LRRTM3: variants seen among roughly 807,000 people sequenced by gnomAD.
LRRTM3 encodes the protein leucine rich repeat transmembrane neuronal 3, also known as leucine-rich repeat transmembrane neuronal protein 3.
LRRTM3 carries 24 observed loss-of-function variants against 44.7 expected under a neutral mutation model. The ratio of observed to expected loss-of-function variants is 0.54; its 90% CI spans 0.39 to 0.76. LRRTM3 has a LOEUF of 0.76. LRRTM3 is among the 30% of genes least tolerant of loss of function. The probability of loss-of-function intolerance (pLI) is 0.00; values close to 1 mark genes in which losing one functional copy is unlikely to be tolerated. For synonymous variants in LRRTM3, 277 were observed against 278.7 expected (o/e 0.99, Z 0.06); for missense variants, 587 against 702.2 (o/e 0.84, Z 1.85).
chr10:66,993,694 GAA>G (rs58941459), intron 2 of LRRTM3, among the ~76,000 whole-genome samples: 51,784 of 142,108 alleles, frequency 0.36, 9,491 homozygotes, highest in East Asian at 0.49. Flanking sequence ...ATACATAAAT[GAA>G]AAAAAAAAAA....
intron 2 of LRRTM3, among the ~76,000 whole-genome samples, chr10:66,998,782 A>G (rs1851513382): frequency 6.6e-6 from 1 of 152,176 alleles, no homozygotes; most frequent in Non-Finnish European, 1.5e-5. Flanking sequence ...CACTTTTCTT[A>G]TAACTGATAC....
intron 2 of LRRTM3, among the ~76,000 whole-genome samples, chr10:67,082,188 C>A (rs2131882876): frequency 6.6e-6 from 1 of 152,220 alleles, no homozygotes; most frequent in East Asian, 1.9e-4. Flanking sequence ...AAAATTGGAT[C>A]TGCTACTCCT....
chr10:67,013,768 C>T (rs989382404), intron 2 of LRRTM3, among the ~76,000 whole-genome samples: 1 of 152,012 alleles, frequency 6.6e-6, no homozygotes, highest in Admixed American at 6.6e-5. Flanking sequence ...GATGTAATAT[C>T]CTGGAAGTTT....
intron 2 of LRRTM3, among the ~76,000 whole-genome samples, chr10:67,074,522 C>T (rs1206222947): frequency 1.3e-5 from 2 of 150,700 alleles, no homozygotes; most frequent in Admixed American, 6.6e-5. Context: ...GGCTAATTTT[C>T]TGTATTTTTA....
At chr10:66,959,466 C>T (rs1849001770) in intron 2 of LRRTM3, among the ~76,000 whole-genome samples, 1 of 152,038 alleles carries the variant, frequency 6.6e-6, no homozygotes, top group African/African-American at 2.4e-5. Context: ...GCAATTGGGC[C>T]AAGAGAACAA....
intron 2 of LRRTM3, among the ~76,000 whole-genome samples, chr10:67,023,446 G>A (rs1308787631): frequency 1.3e-5 from 2 of 152,054 alleles, no homozygotes; most frequent in African/African-American, 4.8e-5. Flanking sequence ...GCTTATCCAT[G>A]GATCTTCTAT....
intron 2 of LRRTM3, among the ~76,000 whole-genome samples, chr10:67,023,800 T>C (rs1853180759): frequency 6.6e-6 from 1 of 152,208 alleles, no homozygotes; most frequent in African/African-American, 2.4e-5. Flanking sequence ...CAAGAAAGCA[T>C]GTAAGACTGC....
intron 2 of LRRTM3, among the ~76,000 whole-genome samples, chr10:66,953,626 T>C (rs1848648657): frequency 1.3e-5 from 2 of 152,182 alleles, no homozygotes; most frequent in Non-Finnish European, 2.9e-5. Flanking sequence ...CATTACCTTA[T>C]AAAAATAATA....
chr10:67,007,788 T>C (rs2133021891), intron 2 of LRRTM3, among the ~76,000 whole-genome samples: 1 of 151,962 alleles, frequency 6.6e-6, no homozygotes, highest in African/African-American at 2.4e-5. Context: ...GTTCAAAAAA[T>C]TGTCAAGTAA....
At chr10:67,085,079 A>T (rs910409787) in intron 2 of LRRTM3, among the ~76,000 whole-genome samples, 1 of 151,948 alleles carries the variant, frequency 6.6e-6, no homozygotes, top group African/African-American at 2.4e-5. Context: ...ATTATTTTTA[A>T]TTTTTAATTG....
chr10:67,062,425 T>C (rs1172027576), intron 2 of LRRTM3, among the ~76,000 whole-genome samples: 2 of 152,222 alleles, frequency 1.3e-5, no homozygotes, highest in Non-Finnish European at 2.9e-5. Flanking sequence ...TGCTTTAGCA[T>C]TATCTCTTAA....
chr10:67,003,275 T>C (rs749625323), intron 2 of LRRTM3, among the ~76,000 whole-genome samples: 14 of 152,198 alleles, frequency 9.2e-5, no homozygotes, highest in Non-Finnish European at 1.8e-4. Flanking sequence ...CTGACCATTT[T>C]GGCCAATCTC....
At chr10:66,982,918 GCT>G (rs1418114591) in intron 2 of LRRTM3, among the ~76,000 whole-genome samples, 2 of 152,134 alleles carry the variant, frequency 1.3e-5, no homozygotes, top group Non-Finnish European at 2.9e-5. Context: ...CACAATGCAA[GCT>G]ACATCTTAAG....
intron 2 of LRRTM3, among the ~76,000 whole-genome samples, chr10:67,045,288 C>G (rs1460118515): frequency 6.6e-6 from 1 of 152,150 alleles, no homozygotes; most frequent in Non-Finnish European, 1.5e-5. Flanking sequence ...AAGAAACCAT[C>G]TTTGTTCCCA....
intron 2 of LRRTM3, among the ~76,000 whole-genome samples, chr10:66,960,732 C>T (rs753781010): frequency 6.6e-6 from 1 of 152,080 alleles, no homozygotes; most frequent in East Asian, 1.9e-4. Context: ...GGGGGAAATA[C>T]AGAACAGAAC....
At chr10:67,024,051 T>C (rs1471794798) in intron 2 of LRRTM3, among the ~76,000 whole-genome samples, 2 of 152,234 alleles carry the variant, frequency 1.3e-5, no homozygotes, top group African/African-American at 2.4e-5. Context: ...AAGTTTATTA[T>C]CTTCCGGAGG....
chr10:67,060,096 A>T (rs1855674633), intron 2 of LRRTM3, among the ~76,000 whole-genome samples: 1 of 152,124 alleles, frequency 6.6e-6, no homozygotes, highest in African/African-American at 2.4e-5. Context: ...CGGGTGGATC[A>T]CTTGAGCCTA....
intron 2 of LRRTM3, among the ~76,000 whole-genome samples, chr10:67,043,131 CTTTCTT>C (rs1854509199): frequency 1.7e-5 from 1 of 60,210 alleles, no homozygotes. Context: ...GGCTCACTTT[CTTTCTT>C]TTTTTTTTTT....
In LRRTM3 at chr10:66,981,745, C is replaced by T. The variant is rs59147395; in HGVS notation, c.1536+53293C>T. ...GCAAACTCATGCATTATGAACATGG[C>T]ATAGCACTTACCTGAAACATACAGT... On this transcript the variant is annotated intron_variant, in intron 2 of 2. Coordinates refer to ENST00000361320, the MANE Select transcript of LRRTM3 (RefSeq NM_178011.5). 7.4e-3 allele frequency among the ~76,000 whole-genome samples: 1,133 copies of T among 152,304 alleles called. 18 individuals are homozygous for T. The highest frequency in any genetic ancestry group is 0.026 in the African/African-American group (1,080 of 41,572).
Sources: gnomAD v4.1 joint callset for allele counts (sites outside exome capture counted in the v4.1 genomes callset) on GRCh38, gnomAD v4.1.1 for gene constraint, MANE v1.5 for transcripts, NCBI Gene and HGNC (gene_info 2026-07-23, HGNC 2026-07-21) for gene names.